DCC: variants seen among roughly 807,000 people sequenced by gnomAD.
DCC encodes the protein netrin receptor DCC.
Under a neutral mutation model 172.5 loss-of-function variants are expected in DCC, and 58 were observed. The ratio of observed to expected loss-of-function variants is 0.34; its 90% CI spans 0.27 to 0.42. The LOEUF (loss-of-function observed/expected upper bound fraction) is 0.42. DCC is among the 10% of genes least tolerant of loss of function. The pLI, the probability that DCC is intolerant of heterozygous loss-of-function variation, is 1.00. For missense variants in DCC, 1,740 were observed against 1,791.0 expected (o/e 0.97, Z 0.51); for synonymous variants, 709 against 644.5 (o/e 1.10, Z -1.52).
chr18:53,412,325 C>G (rs953122), intron 20 of DCC, among the ~76,000 whole-genome samples: 65,645 of 151,942 alleles, frequency 0.43, 15,998 homozygotes, highest in Non-Finnish European at 0.56. Flanking sequence ...AGTTTTTGAT[C>G]ATTTAAAATT....
intron 24 of DCC, 147 bp from the exon 25 acceptor site, chr18:53,467,747 A>T: frequency 1.4e-6 from 1 of 737,026 alleles, no homozygotes; most frequent in Non-Finnish European, 2.5e-6. Context: ...AGATTTGTAC[A>T]ATGAAATAGA....
chr18:53,022,537 A>ATG (rs1480008540), intron 5 of DCC, among the ~76,000 whole-genome samples: 39 of 109,900 alleles, frequency 3.5e-4, no homozygotes, highest in African/African-American at 1.3e-3. Context: ...TTTTATATAT[A>ATG]TATGTGCGTG....
At chr18:52,836,148 TG>T (rs1466052370) in intron 2 of DCC, among the ~76,000 whole-genome samples, 1 of 152,132 alleles carries the variant, frequency 6.6e-6, no homozygotes, top group Non-Finnish European at 1.5e-5. Context: ...GAGAACAGGA[TG>T]GGGGAAAATG....
At chr18:52,507,145 CA>C (rs1345368144) in intron 1 of DCC, among the ~76,000 whole-genome samples, 1 of 152,152 alleles carries the variant, frequency 6.6e-6, no homozygotes, top group East Asian at 1.9e-4. Flanking sequence ...ATAGGAATCT[CA>C]TATCCTCCCC....
intron 5 of DCC, among the ~76,000 whole-genome samples, chr18:52,994,071 TA>T (rs2041440287): frequency 2.0e-5 from 3 of 152,088 alleles, no homozygotes; most frequent in Admixed American, 2.0e-4. Flanking sequence ...TCAACTTAGG[TA>T]AGAGTAGCCA....
At chr18:53,429,051 ATAT>A (rs561865471) in intron 21 of DCC, among the ~76,000 whole-genome samples, 1 of 50,432 alleles carries the variant, frequency 2.0e-5, no homozygotes, top group African/African-American at 5.1e-5. Context: ...TATATATAAT[ATAT>A]TATATATTTT....
intron 12 of DCC, among the ~76,000 whole-genome samples, chr18:53,274,614 T>C (rs1339800051): frequency 1.3e-5 from 2 of 152,258 alleles, no homozygotes; most frequent in East Asian, 3.9e-4. Context: ...AGATTGGTTT[T>C]TTAGAAGCAA....
intron 1 of DCC, among the ~76,000 whole-genome samples, chr18:52,638,516 A>G (rs34481890): frequency 0.14 from 21,220 of 152,106 alleles, 1,777 homozygotes; most frequent in Non-Finnish European, 0.19. Flanking sequence ...AATGAACACC[A>G]AAAGCGAGCT....
chr18:52,875,271 T>G (rs2039386523), intron 2 of DCC, among the ~76,000 whole-genome samples: 1 of 152,070 alleles, frequency 6.6e-6, no homozygotes. Context: ...TGTTATTTCT[T>G]GCCAGAATCA....
At chr18:52,839,971 C>T (rs1315486550) in intron 2 of DCC, among the ~76,000 whole-genome samples, 1 of 152,190 alleles carries the variant, frequency 6.6e-6, no homozygotes, top group Non-Finnish European at 1.5e-5. Flanking sequence ...TTGGCTCTAG[C>T]CCAGTGGTCC....
At chr18:53,005,935 A>G (rs1051849797) in intron 5 of DCC, among the ~76,000 whole-genome samples, 3 of 152,148 alleles carry the variant, frequency 2.0e-5, no homozygotes, top group African/African-American at 7.2e-5. Context: ...GGTTGGAAGT[A>G]TGGGATCAAT....
intron 1 of DCC, among the ~76,000 whole-genome samples, chr18:52,524,738 A>G (rs1482156369): frequency 3.3e-5 from 5 of 152,160 alleles, no homozygotes; most frequent in African/African-American, 4.8e-5. Flanking sequence ...CATCCTTATT[A>G]ACAACTTTGC....
intron 1 of DCC, among the ~76,000 whole-genome samples, chr18:52,396,281 A>AACC (rs1568149503): frequency 2.6e-5 from 3 of 114,302 alleles, no homozygotes; most frequent in Non-Finnish European, 1.8e-5. Context: ...CCTGCACCAC[A>AACC]CCCCCCCCCC....
intron 3 of DCC, among the ~76,000 whole-genome samples, chr18:52,908,609 GT>G (rs3831432): frequency 0.38 from 57,896 of 151,868 alleles, 11,620 homozygotes; most frequent in Non-Finnish European, 0.46. Context: ...TTGAAATGCA[GT>G]TTTAAAAGAC....
rs1373386834 is a variant in DCC at position 52,416,901 on chromosome 18, T to G, written c.91+76023T>G. ...AAAGTGAATATTGTTATGTGTGAAT[T>G]TGATCCTGTCATTATGATGTTAGCT... On this transcript the variant is annotated intron_variant, in intron 1 of 28. Transcript: ENST00000442544. Among the ~76,000 whole-genome samples the G allele has an allele frequency of 1.7e-3, 262 of 152,086 alleles. 5 individuals are homozygous for G. The East Asian group carries it at 0.041, about 24-fold the overall frequency.
At chr18:53,021,867 A>T (rs1181347642) in intron 5 of DCC, among the ~76,000 whole-genome samples, 1 of 152,208 alleles carries the variant, frequency 6.6e-6, no homozygotes, top group Non-Finnish European at 1.5e-5. Flanking sequence ...CAGTTGGTTA[A>T]TGGCTGCATT....
intron 5 of DCC, among the ~76,000 whole-genome samples, chr18:52,968,669 T>C (rs1400952378): frequency 1.3e-5 from 2 of 152,192 alleles, no homozygotes; most frequent in African/African-American, 2.4e-5. Context: ...CTGTAAATAA[T>C]GGCCAATAAA....
At chr18:52,467,682 T>G (rs537015391) in intron 1 of DCC, among the ~76,000 whole-genome samples, 1 of 152,330 alleles carries the variant, frequency 6.6e-6, no homozygotes, top group Non-Finnish European at 1.5e-5. Context: ...AAATCGTTCC[T>G]GTTTCTCAAC....
chr18:52,686,421 C>T (rs889495531), intron 1 of DCC, among the ~76,000 whole-genome samples: 1 of 152,122 alleles, frequency 6.6e-6, no homozygotes, highest in Non-Finnish European at 1.5e-5. Flanking sequence ...TTTGGGGGCA[C>T]TGCTCAATTT....
Sources: gnomAD v4.1 joint callset for allele counts (sites outside exome capture counted in the v4.1 genomes callset) on GRCh38, gnomAD v4.1.1 for gene constraint, MANE v1.5 for transcripts, NCBI Gene and HGNC (gene_info 2026-07-23, HGNC 2026-07-21) for gene names.